Variants in B4GALT1 observed in about 807,000 individuals in gnomAD.
B4GALT1 encodes the protein beta-1,4-galactosyltransferase 1.
Under a neutral mutation model 34.9 loss-of-function variants are expected in B4GALT1, and 16 were observed. The ratio of observed to expected loss-of-function variants is 0.46; its 90% CI spans 0.31 to 0.70. The LOEUF is 0.70. B4GALT1 is among the 30% of genes least tolerant of loss of function. The pLI is 0.05. For synonymous variants in B4GALT1, 221 were observed against 218.1 expected (o/e 1.01, Z -0.12); for missense variants, 445 against 530.5 (o/e 0.84, Z 1.58).
intron 1 of B4GALT1, 147 bp from the exon 2 acceptor site, chr9:33,135,571 G>A (rs1044740121): frequency 3.9e-6 from 3 of 772,174 alleles, no homozygotes; most frequent in Non-Finnish European, 6.6e-6. Context: ...GGGCCCTCCT[G>A]CCCAGCATCA....
At chr9:33,114,759 C>T (rs1323286666) in intron 4 of B4GALT1, among the ~76,000 whole-genome samples, 1 of 152,230 alleles carries the variant, frequency 6.6e-6, no homozygotes, top group African/African-American at 2.4e-5. Context: ...GATCCCAGAC[C>T]ACTTAAACAT....
Position 33,110,926 on chromosome 9 carries a change from C to A in B4GALT1, c.*2528G>T, listed in dbSNP as rs568178663. The A allele has an allele frequency of 4.6e-5, 7 of 152,376 alleles. No homozygotes were observed. The East Asian group carries it at 1.3e-3, about 29-fold the overall frequency. The allele number at this position is 152,376 out of a possible 1,614,324, so 9.4% of individuals were successfully genotyped here. On this transcript the variant is annotated 3_prime_UTR_variant, in exon 6 of 6. Coordinates refer to ENST00000379731, the MANE Select transcript of B4GALT1 (RefSeq NM_001497.4). ...CTGTCCTGTGCCACCTCTGCCCTCT[C>A]TGATCTTTCCCAAAGGCCAGTTCAC...
chr9:33,166,664 T>C lies in B4GALT1; in HGVS notation c.412+94A>G, dbSNP rs545555858. ...TCCAGAAGAGGGAGGCTGGCTGTCG[T>C]AGAAGAGCCAGCCTGAGGGAATGTC... On this transcript the variant is annotated intron_variant, in intron 1 of 5. Transcript: ENST00000379731. The C allele has an allele frequency of 2.5e-4, 328 of 1,329,444 alleles. 4 individuals are homozygous for C. In the South Asian group the frequency reaches 4.8e-3, roughly 20 times the overall value. 82.4% of individuals were successfully genotyped at this position (1,329,444 alleles called of 1,614,324 possible). A position where few individuals can be genotyped will look rare whatever the true frequency, so the allele number is the denominator to read the frequency against.
At chr9:33,139,065 G>C (rs1345506195) in intron 1 of B4GALT1, among the ~76,000 whole-genome samples, 1 of 152,178 alleles carries the variant, frequency 6.6e-6, no homozygotes, top group Non-Finnish European at 1.5e-5. Flanking sequence ...CCAAGCCAGA[G>C]AGTCTTTACT....
intron 1 of B4GALT1, among the ~76,000 whole-genome samples, chr9:33,163,714 A>T (rs1314284505): frequency 6.6e-6 from 1 of 152,238 alleles, no homozygotes; most frequent in Non-Finnish European, 1.5e-5. Context: ...CAGCAGGCAA[A>T]CACCCAGGTG....
intron 1 of B4GALT1, among the ~76,000 whole-genome samples, chr9:33,146,263 A>G (rs1840423867): frequency 6.6e-6 from 1 of 152,234 alleles, no homozygotes; most frequent in African/African-American, 2.4e-5. Context: ...GTGCCTGCCC[A>G]CAGATATCAC....
At chr9:33,142,299 G>T (rs777527381) in intron 1 of B4GALT1, among the ~76,000 whole-genome samples, 1 of 152,104 alleles carries the variant, frequency 6.6e-6, no homozygotes, top group Non-Finnish European at 1.5e-5. Context: ...TCTTAAATCA[G>T]ATGTTTGTGG....
rs1840772952 is a variant in B4GALT1 at position 33,167,100 on chromosome 9, G to T, written c.70C>A (p.Arg24Ser). Residue 24 changes from arginine (R) to serine (S), a missense_variant, in exon 1 of 6, where the codon CGC (arginine) becomes AGC (serine). By Grantham distance (110) the Arg-to-Ser change is moderately radical. Transcript: ENST00000379731. ...AGAGCGCAGACGGCCACGAGCAGGC[G>T]GCAGGCCCGCTGTAGGGACGCGCCT... is the stretch of plus-strand genomic sequence containing the variant. Reference protein sequence around the residue: ...MPGASLQRACRLLVAVCALHL... With the variant: ...MPGASLQRACSLLVAVCALHL... 5.6e-6 allele frequency: 9 copies of T among 1,604,768 alleles called. No homozygotes were observed. Among genetic ancestry groups the T allele is most frequent in the Admixed American group, 1.7e-5 (1 of 59,758 alleles).
chr9:33,162,369 C>T (rs1840687214), intron 1 of B4GALT1, among the ~76,000 whole-genome samples: 1 of 152,148 alleles, frequency 6.6e-6, no homozygotes, highest in Non-Finnish European at 1.5e-5. Context: ...AATTATGCCT[C>T]CCCTGCCTAA....
intron 1 of B4GALT1, among the ~76,000 whole-genome samples, chr9:33,148,804 T>TAAAAAAAAAAAAAAAAAA (rs72391353): frequency 7.8e-6 from 1 of 127,742 alleles, no homozygotes; most frequent in Non-Finnish European, 1.7e-5. Flanking sequence ...TGCCTAAAAG[T>TAAAAAAAAAAAAAAAAAA]AAAAAAAAAA....
intron 2 of B4GALT1, among the ~76,000 whole-genome samples, chr9:33,105,598 G>A (rs747751137): frequency 7.2e-5 from 11 of 152,040 alleles, no homozygotes; most frequent in Non-Finnish European, 1.3e-4. Context: ...CTAAAACTCT[G>A]TACTCATTAA....
chr9:33,161,259 C>T (rs1166552021), intron 1 of B4GALT1, among the ~76,000 whole-genome samples: 1 of 152,138 alleles, frequency 6.6e-6, no homozygotes, highest in Non-Finnish European at 1.5e-5. Flanking sequence ...GTGTGACTCA[C>T]CCCTCTGTCT....
chr9:33,148,535 G>C lies in B4GALT1; in HGVS notation c.413-13111C>G, dbSNP rs562950406. Among the ~76,000 whole-genome samples the C allele has an allele frequency of 3.9e-5, 6 of 152,312 alleles. No individual in the cohort carries two copies. The South Asian group carries it at 1.2e-3, about 32-fold the overall frequency. ...TGAAGGTAATGCTGGAGGCAGTCCA[G>C]GAGTCCCTCATTACAGAAGGGAAAA... is the stretch of plus-strand genomic sequence containing the variant. On this transcript the variant is annotated intron_variant, in intron 1 of 5. Coordinates refer to ENST00000379731, the MANE Select transcript of B4GALT1 (RefSeq NM_001497.4).
chr9:33,121,708 GT>G (rs199842520), intron 2 of B4GALT1, among the ~76,000 whole-genome samples: 5 of 151,960 alleles, frequency 3.3e-5, no homozygotes, highest in African/African-American at 1.2e-4. Flanking sequence ...AGGATGTTTT[GT>G]TTTTTTTATT....
At chr9:33,115,755 G>C (rs141394888) in intron 4 of B4GALT1, among the ~76,000 whole-genome samples, 1 of 152,144 alleles carries the variant, frequency 6.6e-6, no homozygotes, top group Non-Finnish European at 1.5e-5. Context: ...AACTTGCCCC[G>C]TCACTTGGTT....
rs184973535 is a variant in B4GALT1 at position 33,117,133 on chromosome 9, C to T, written c.837-1020G>A. Among the ~76,000 whole-genome samples, 9 of 152,264 alleles carry T rather than the reference C, an allele frequency of 5.9e-5. No individual in the cohort carries two copies. In the South Asian group the frequency reaches 6.2e-4, roughly 11 times the overall value. ...GAGATTGTTTCAGAGCCTCTCTGTA[C>T]CCACCCAGTCACAGCCCCCCTTCCA... is the stretch of plus-strand genomic sequence containing the variant. On this transcript the variant is annotated intron_variant, in intron 3 of 5. Transcript: ENST00000379731.
At chr9:33,162,257 G>C (rs1294714522) in intron 1 of B4GALT1, among the ~76,000 whole-genome samples, 1 of 152,154 alleles carries the variant, frequency 6.6e-6, no homozygotes, top group Non-Finnish European at 1.5e-5. Flanking sequence ...TATGAACTTG[G>C]AGTTTCTGAA....
chr9:33,181,902 A>G, the B4GALT1 span, among the ~76,000 whole-genome samples: 2 of 152,000 alleles, frequency 1.3e-5, no homozygotes, highest in Admixed American at 1.3e-4. Context: ...TCTGGAGGCT[A>G]AAAGTCCAAA....
At chr9:33,178,350 A>G in the B4GALT1 span, among the ~76,000 whole-genome samples, 31 of 152,242 alleles carry the variant, frequency 2.0e-4, no homozygotes, top group African/African-American at 7.0e-4. Flanking sequence ...GCTACATTCT[A>G]TTGGTCCACA....
Sources: allele counts gnomAD v4.1 joint callset (sites outside exome capture counted in the v4.1 genomes callset), GRCh38; gene constraint gnomAD v4.1.1; transcripts MANE v1.5; gene names NCBI Gene and HGNC (gene_info 2026-07-23, HGNC 2026-07-21).